Variants in ATG12 observed in about 807,000 individuals in gnomAD.
ATG12 encodes autophagy related 12.
A neutral mutation model predicts 17.6 loss-of-function variants in ATG12; 19 were observed. That is an observed-to-expected ratio of 1.08 (90% CI 0.75 to 1.58). ATG12 has a LOEUF of 1.58. ATG12 is among the 40% of genes most tolerant of loss of function. The probability of loss-of-function intolerance (pLI) is 0.00; values close to 1 mark genes in which losing one functional copy is unlikely to be tolerated. For missense variants in ATG12, 214 were observed against 162.0 expected (o/e 1.32, Z -1.74); for synonymous variants, 75 against 62.4 (o/e 1.20, Z -0.95).
In ATG12 at chr5:115,828,472, T is replaced by C. The variant is rs909205940; in HGVS notation, c.*3332A>G. ...TTTTATTTGTATTTTTTGTAACCAA[T>C]GGGGTTCAAGGTGTTTCATGTTTTG... is the stretch of plus-strand genomic sequence containing the variant. On this transcript the variant is annotated 3_prime_UTR_variant, in exon 4 of 4. Transcript: ENST00000509910. 2 of 152,182 alleles carry C rather than the reference T, an allele frequency of 1.3e-5. No homozygotes were observed. Among genetic ancestry groups the C allele is most frequent in the Non-Finnish European group, 2.9e-5 (2 of 68,004 alleles). 9.4% of individuals were successfully genotyped at this position (152,182 alleles called of 1,614,324 possible).
intron 1 of ATG12, among the ~76,000 whole-genome samples, chr5:115,840,161 T>TGGC (rs1282245941): frequency 1.3e-5 from 2 of 152,206 alleles, no homozygotes; most frequent in African/African-American, 4.8e-5. Context: ...AAGATTCCAG[T>TGGC]GGCTATCCAT....
intron 1 of ATG12, chr5:115,840,529 C>A (rs755267725): frequency 2.1e-5 from 21 of 1,006,504 alleles, no homozygotes; most frequent in Non-Finnish European, 2.5e-5. Flanking sequence ...AACTCTTGAC[C>A]TCAGGTGATC....
At position 115,832,584 on chromosome 5, in the gene ATG12, T is replaced by TC; in HGVS notation, c.363+17_363+18insG. ...AGTAATTTCTTTCTTTTTTTTTTTT[T>TC]TTTTTTTTTTTTTTTACCTCATAGA... On this transcript the variant is annotated intron_variant, in intron 3 of 3. Transcript: ENST00000509910. 4 of 1,416,208 alleles carry TC rather than the reference T, an allele frequency of 2.8e-6. No homozygotes were observed. Among genetic ancestry groups the TC allele is most frequent in the Non-Finnish European group, 3.7e-6 (4 of 1,090,302 alleles). The allele number at this position is 1,416,208 out of a possible 1,614,324, so 87.7% of individuals were successfully genotyped here.
chr5:115,831,705 C>T lies in ATG12; in HGVS notation c.*99G>A. On this transcript the variant is annotated 3_prime_UTR_variant, in exon 4 of 4. Transcript: ENST00000509910. The stretch of plus-strand genomic sequence containing the variant: ...GAGTAGACACATACTAAATAGATCA[C>T]ATCTGTTAAGTCTCTTGCCACAAGC... The T allele has an allele frequency of 9.2e-7, 1 of 1,085,790 alleles. No homozygotes were observed. The highest frequency in any genetic ancestry group is 1.3e-5 in the South Asian group (1 of 74,842). 67.3% of individuals were successfully genotyped at this position (1,085,790 alleles called of 1,614,324 possible).
At position 115,829,559 on chromosome 5, in the gene ATG12, T is replaced by C. The variant is rs1253750070; in HGVS notation, c.*2245A>G. 6.6e-6 allele frequency: 1 copy of C among 152,230 alleles called. No homozygotes were observed. The highest frequency in any genetic ancestry group is 1.5e-5 in the Non-Finnish European group (1 of 68,036). 9.4% of individuals were successfully genotyped at this position (152,230 alleles called of 1,614,324 possible). On this transcript the variant is annotated 3_prime_UTR_variant, in exon 4 of 4. Coordinates refer to ENST00000509910, the MANE Select transcript of ATG12 (RefSeq NM_004707.4). ...TATACTTTGTGTGCCATGGGTCATC[T>C]ATGCACAGTAAGATGAAGCATGATA...
chr5:115,833,130 TAC>T (rs1580565071), intron 2 of ATG12: 2 of 152,452 alleles, frequency 1.3e-5, no homozygotes, highest in Non-Finnish European at 2.9e-5. Context: ...TAAAGTCACT[TAC>T]AGGCAAATGA....
intron 2 of ATG12, chr5:115,832,947 A>G (rs1760949029): frequency 3.8e-6 from 1 of 261,864 alleles, no homozygotes; most frequent in Non-Finnish European, 7.1e-6. Flanking sequence ...GCTTTTGAAG[A>G]GCTGGCTATT....
rs892433370 is a variant in ATG12 at position 115,829,476 on chromosome 5, A to G, written c.*2328T>C. The G allele has an allele frequency of 3.9e-5, 6 of 152,238 alleles. No homozygotes were observed. The highest frequency in any genetic ancestry group is 1.2e-4 in the African/African-American group (5 of 41,472). The allele number at this position is 152,238 out of a possible 1,614,324, so 9.4% of individuals were successfully genotyped here. On this transcript the variant is annotated 3_prime_UTR_variant, in exon 4 of 4. Coordinates refer to ENST00000509910, the MANE Select transcript of ATG12 (RefSeq NM_004707.4). ...CTTATTCCTTAAATATGGTGAATTC[A>G]TTATGAAGTCTTTGGCATACTTTTA...
chr5:115,832,345 T>C (rs1760907047), intron 3 of ATG12, among the ~76,000 whole-genome samples: 1 of 152,048 alleles, frequency 6.6e-6, no homozygotes, highest in Non-Finnish European at 1.5e-5. Context: ...AAGATGACTT[T>C]GAAATGTAAT....
intron 2 of ATG12, among the ~76,000 whole-genome samples, chr5:115,835,772 T>C (rs995440618): frequency 6.6e-6 from 1 of 152,222 alleles, no homozygotes; most frequent in Non-Finnish European, 1.5e-5. Context: ...TGCCGTCAGA[T>C]GCCAACCCTG....
rs1760796982 is a variant in ATG12, at chr5:115,829,961, C to CA, written c.*1842dup. The CA allele has an allele frequency of 1.3e-5, 2 of 151,562 alleles. No homozygotes were observed. 9.4% of individuals were successfully genotyped at this position (151,562 alleles called of 1,614,324 possible). A position where few individuals can be genotyped will look rare whatever the true frequency, so the allele number is the denominator to read the frequency against. The stretch of plus-strand genomic sequence containing the variant: ...AAAACCCTGTCTCCACTAAAAATAA[C>CA]AAAAAATTAGGCGGGTGTGGTGGCA... On this transcript the variant is annotated 3_prime_UTR_variant, in exon 4 of 4. Transcript: ENST00000509910.
At chr5:115,841,216 A>G (rs535966567) in intron 1 of ATG12, 174 bp downstream of exon 1, 136 of 776,404 alleles carry the variant, frequency 1.8e-4, no homozygotes, top group Non-Finnish European at 2.6e-4. Context: ...GTATTTTAAC[A>G]CTCAACTTAA....
At position 115,837,759 on chromosome 5, in the gene ATG12, T is replaced by C. The variant is rs1426151057; in HGVS notation, c.169A>G (p.Ile57Val). The C allele has an allele frequency of 6.9e-6, 11 of 1,597,110 alleles. No homozygotes were observed. The highest frequency in any genetic ancestry group is 2.6e-6 in the Non-Finnish European group (3 of 1,175,568). ...PAGDTKKKID[I>V]LLKAVGDTPI... ...GTGTCTCCCACAGCCTTTAGCAAAA[T>C]GTCAACTGTAAAAGAAGAATAAAAT... The change falls in exon 2 of 4, where the codon ATT (isoleucine) becomes GTT (valine). Residue 57 changes from isoleucine (I) to valine (V), a missense_variant. Transcript: ENST00000509910.
chr5:115,839,253 TG>T (rs1473428058), intron 1 of ATG12: 5 of 152,142 alleles, frequency 3.3e-5, no homozygotes, highest in African/African-American at 1.2e-4. Flanking sequence ...TATTAAATAT[TG>T]GGGCCAAAAG....
At chr5:115,832,732 C>T (rs921244144) in intron 2 of ATG12, 68 bp from the exon 3 acceptor site, 1 of 1,362,648 alleles carries the variant, frequency 7.3e-7, no homozygotes, top group Non-Finnish European at 9.8e-7. Flanking sequence ...TTTCTGCATT[C>T]CAATCAGCTA....
rs576722729 is a variant in ATG12, at chr5:115,828,525, G to C, written c.*3279C>G. On this transcript the variant is annotated 3_prime_UTR_variant, in exon 4 of 4. Coordinates refer to ENST00000509910, the MANE Select transcript of ATG12 (RefSeq NM_004707.4). The stretch of plus-strand genomic sequence containing the variant: ...GGCCATTTGTATCTTTTTGTGAATC[G>C]AAATTTGGTATGTTTTGCCTATTTT... 6.6e-6 allele frequency: 1 copy of C among 151,990 alleles called. No homozygotes were observed. The highest frequency in any genetic ancestry group is 1.5e-5 in the Non-Finnish European group (1 of 67,952). 9.4% of individuals were successfully genotyped at this position (151,990 alleles called of 1,614,324 possible). A position where few individuals can be genotyped will look rare whatever the true frequency, so the allele number is the denominator to read the frequency against.
chr5:115,840,422 C>G (rs935891812), intron 1 of ATG12: 2 of 237,904 alleles, frequency 8.4e-6, no homozygotes, highest in Non-Finnish European at 1.7e-5. Flanking sequence ...CTCAGCCTCC[C>G]GAGTAGCTGG....
chr5:115,841,408 C>T lies in ATG12; in HGVS notation c.145G>A (p.Gly49Ser). 2 of 1,611,470 alleles carry T rather than the reference C, an allele frequency of 1.2e-6. No homozygotes were observed. Among genetic ancestry groups the T allele is most frequent in the African/African-American group, 2.7e-5 (2 of 74,540 alleles). ...AVSPGTEEPA[G>S]DTKKKIDILL... ...CAGTTACTTTTTTTCTTGGTGTCGC[C>T]AGCAGGTTCCTCTGTTCCCGGGGAA... is the stretch of plus-strand genomic sequence containing the variant. Residue 49 changes from glycine (G) to serine (S), a missense_variant, in exon 1 of 4, where the codon GGC (glycine) becomes AGC (serine). Transcript: ENST00000509910.
intron 1 of ATG12, chr5:115,841,002 A>T (rs1229813967): frequency 1.4e-6 from 1 of 698,074 alleles, no homozygotes; most frequent in Non-Finnish European, 2.2e-6. Flanking sequence ...GGCTTTGCCA[A>T]TGACCACCCC....
Sources: gnomAD v4.1 joint callset for allele counts (sites outside exome capture counted in the v4.1 genomes callset) on GRCh38, gnomAD v4.1.1 for gene constraint, MANE v1.5 for transcripts, NCBI Gene and HGNC (gene_info 2026-07-23, HGNC 2026-07-21) for gene names.